Variants in TNNI3K observed in about 807,000 individuals in gnomAD.
TNNI3K encodes the protein serine/threonine-protein kinase TNNI3K.
TNNI3K carries 140 observed loss-of-function variants against 114.5 expected under a neutral mutation model. The observed-to-expected ratio is 1.22, with a 90% CI of 1.07 to 1.41. TNNI3K has a LOEUF of 1.41. Among genes scored for constraint, TNNI3K ranks in the 40% most tolerant of loss-of-function variants. TNNI3K has a pLI of 0.00. For missense variants in TNNI3K, 1,125 were observed against 1,007.6 expected (o/e 1.12, Z -1.58); for synonymous variants, 347 against 347.5 (o/e 1.00, Z 0.02).
intron 19 of TNNI3K, among the ~76,000 whole-genome samples, chr1:74,437,139 T>C (rs577503841): frequency 1.3e-5 from 2 of 152,092 alleles, no homozygotes; most frequent in African/African-American, 2.4e-5. Flanking sequence ...TAATTTTTCA[T>C]TCTTTCCCTT....
chr1:74,302,969 A>T (rs1658416880), intron 5 of TNNI3K, among the ~76,000 whole-genome samples: 1 of 152,224 alleles, frequency 6.6e-6, no homozygotes, highest in South Asian at 2.1e-4. Context: ...GCTAGAAAGG[A>T]GCAGTCAATG....
chr1:74,532,237 T>G (rs1646596721), intron 23 of TNNI3K, among the ~76,000 whole-genome samples: 1 of 152,152 alleles, frequency 6.6e-6, no homozygotes, highest in Non-Finnish European at 1.5e-5. Context: ...AGCAAGCAAT[T>G]GTTGGATAAA....
intron 2 of TNNI3K, among the ~76,000 whole-genome samples, chr1:74,243,302 CAG>C (rs1252558215): frequency 6.6e-6 from 1 of 152,122 alleles, no homozygotes; most frequent in East Asian, 1.9e-4. Context: ...ATATTAGAAA[CAG>C]ATCTTATTGA....
intron 21 of TNNI3K, among the ~76,000 whole-genome samples, chr1:74,481,833 G>T (rs1037058249): frequency 6.6e-6 from 1 of 152,176 alleles, no homozygotes; most frequent in African/African-American, 2.4e-5. Flanking sequence ...GTGTCATAAG[G>T]ATAGAGGAGT....
At chr1:74,344,029 G>A (rs549888454) in intron 9 of TNNI3K, among the ~76,000 whole-genome samples, 3 of 152,224 alleles carry the variant, frequency 2.0e-5, no homozygotes, top group African/African-American at 4.8e-5. Flanking sequence ...CTCTAAAATT[G>A]TATTTGAGGC....
At chr1:74,449,443 T>C (rs993562928) in intron 20 of TNNI3K, among the ~76,000 whole-genome samples, 3 of 152,142 alleles carry the variant, frequency 2.0e-5, no homozygotes, top group Non-Finnish European at 4.4e-5. Context: ...TTTTGAATGG[T>C]TTTTTGTGTC....
chr1:74,490,781 A>C (rs1316650847), intron 22 of TNNI3K, among the ~76,000 whole-genome samples: 1 of 152,248 alleles, frequency 6.6e-6, no homozygotes, highest in African/African-American at 2.4e-5. Context: ...GACAGAAAGT[A>C]TTTGAAAGCA....
intron 23 of TNNI3K, among the ~76,000 whole-genome samples, chr1:74,522,813 C>T (rs1381592598): frequency 6.6e-6 from 1 of 151,130 alleles, no homozygotes; most frequent in Non-Finnish European, 1.5e-5. Context: ...ACCTTAGCCC[C>T]TGGCTTTATG....
chr1:74,487,576 G>T (rs1668830887), intron 21 of TNNI3K, among the ~76,000 whole-genome samples: 1 of 152,076 alleles, frequency 6.6e-6, no homozygotes, highest in Non-Finnish European at 1.5e-5. Context: ...TTGAGGATGT[G>T]TGGAAGGGAG....
At chr1:74,478,142 A>T (rs1668297384) in intron 21 of TNNI3K, among the ~76,000 whole-genome samples, 1 of 152,208 alleles carries the variant, frequency 6.6e-6, no homozygotes, top group South Asian at 2.1e-4. Flanking sequence ...AGTATAGATA[A>T]CTCACCACAC....
At chr1:74,315,261 T>C (rs940789655) in intron 5 of TNNI3K, among the ~76,000 whole-genome samples, 2 of 152,148 alleles carry the variant, frequency 1.3e-5, no homozygotes, top group African/African-American at 4.8e-5. Context: ...GAAGATTCCA[T>C]TATTAGTCTA....
intron 5 of TNNI3K, among the ~76,000 whole-genome samples, chr1:74,296,141 C>T (rs480984): frequency 0.99 from 150,694 of 152,058 alleles, 74,689 homozygotes; most frequent in Middle Eastern, 1. Context: ...CCGGGCGAGG[C>T]GGCGGGCGCC....
intron 5 of TNNI3K, among the ~76,000 whole-genome samples, chr1:74,292,953 A>G (rs1657770969): frequency 6.6e-6 from 1 of 151,632 alleles, no homozygotes; most frequent in South Asian, 2.1e-4. Flanking sequence ...CTCTATCTCT[A>G]GCAATGGTTT....
At chr1:74,415,755 G>A (rs111573186) in intron 17 of TNNI3K, among the ~76,000 whole-genome samples, 154 of 147,612 alleles carry the variant, frequency 1.0e-3, no homozygotes, top group African/African-American at 3.6e-3. Flanking sequence ...TTTCCCCAGT[G>A]ATTTGAACAA....
At chr1:74,509,846 C>T (rs1233697971) in intron 23 of TNNI3K, among the ~76,000 whole-genome samples, 1 of 143,832 alleles carries the variant, frequency 7.0e-6, no homozygotes, top group African/African-American at 2.6e-5. Context: ...TCAACTTCCC[C>T]AGGCTCAGGT....
At chr1:74,368,912 A>T in intron 13 of TNNI3K, 110 bp from the exon 14 acceptor site, 1 of 949,162 alleles carries the variant, frequency 1.1e-6, no homozygotes, top group Non-Finnish European at 1.5e-6. Context: ...ATTAAAAATT[A>T]AATGTTATTA....
intron 6 of TNNI3K, among the ~76,000 whole-genome samples, 167 bp downstream of exon 6, chr1:74,331,715 G>A (rs768322945): frequency 2.3e-4 from 35 of 152,068 alleles, no homozygotes; most frequent in Non-Finnish European, 3.4e-4. Context: ...TAAGCATTAC[G>A]GTTGTCATGT....
intron 23 of TNNI3K, among the ~76,000 whole-genome samples, chr1:74,519,791 GC>G (rs2100408561): frequency 6.6e-6 from 1 of 152,244 alleles, no homozygotes; most frequent in African/African-American, 2.4e-5. Context: ...TCAAGCCAAA[GC>G]TTTAAGTTTA....
intron 5 of TNNI3K, among the ~76,000 whole-genome samples, chr1:74,316,353 T>C (rs924848293): frequency 6.6e-5 from 10 of 152,210 alleles, no homozygotes; most frequent in Non-Finnish European, 2.9e-5. Context: ...TTAAAGTCTA[T>C]GAGATATGCC....
Sources: allele counts gnomAD v4.1 joint callset (sites outside exome capture counted in the v4.1 genomes callset), GRCh38; gene constraint gnomAD v4.1.1; transcripts MANE v1.5; gene names NCBI Gene and HGNC (gene_info 2026-07-23, HGNC 2026-07-21).